GALNT17: variants seen among roughly 807,000 people sequenced by gnomAD.
The protein encoded by GALNT17 is UDP-GalNAc:polypeptide N-acetylgalactosaminyltransferase-like 3.
In GALNT17, 29 loss-of-function variants were observed where a neutral mutation model predicts 63.7. The observed-to-expected ratio is 0.46, with a 90% CI of 0.34 to 0.62. The LOEUF is 0.62. Among genes scored for constraint, GALNT17 ranks in the 20% least tolerant of loss-of-function variants. The pLI is 0.01. For missense variants in GALNT17, 603 were observed against 799.6 expected, an observed-to-expected ratio of 0.75 and a Z score of 2.97; for synonymous variants, 305 against 318.3, an observed-to-expected ratio of 0.96 and a Z score of 0.45.
At chr7:71,689,665 G>A (rs1791412212) in intron 9 of GALNT17, among the ~76,000 whole-genome samples, 1 of 152,232 alleles carries the variant, frequency 6.6e-6, no homozygotes, top group Admixed American at 6.5e-5. Flanking sequence ...TGGAGAAGCT[G>A]CAGCAAGTTC....
At chr7:71,500,766 T>C (rs550039071) in intron 5 of GALNT17, among the ~76,000 whole-genome samples, 35 of 152,256 alleles carry the variant, frequency 2.3e-4, no homozygotes, top group African/African-American at 7.9e-4. Flanking sequence ...AGATGGGCTC[T>C]GATCACCAAC....
chr7:71,523,180 C>A (rs1326122119), intron 5 of GALNT17, among the ~76,000 whole-genome samples: 1 of 152,192 alleles, frequency 6.6e-6, no homozygotes, highest in African/African-American at 2.4e-5. Flanking sequence ...AATCCCAACA[C>A]TTTGGGAGGC....
chr7:71,363,121 G>C (rs7803720), intron 2 of GALNT17, among the ~76,000 whole-genome samples: 94,475 of 151,702 alleles, frequency 0.62, 29,666 homozygotes, highest in East Asian at 0.85. Context: ...CACGCACCAC[G>C]ATGCCTGGCT....
intron 1 of GALNT17, among the ~76,000 whole-genome samples, chr7:71,290,393 C>T (rs530625827): frequency 5.9e-5 from 9 of 152,236 alleles, no homozygotes; most frequent in Admixed American, 2.6e-4. Context: ...CTCTGGATTG[C>T]GATGCCGTCT....
intron 1 of GALNT17, among the ~76,000 whole-genome samples, chr7:71,182,810 A>T (rs947790900): frequency 1.3e-5 from 2 of 152,142 alleles, no homozygotes; most frequent in Admixed American, 6.5e-5. Flanking sequence ...CTGCAAAATT[A>T]TGACTGCATG....
chr7:71,504,485 G>C (rs1309024417), intron 5 of GALNT17, among the ~76,000 whole-genome samples: 1 of 152,044 alleles, frequency 6.6e-6, no homozygotes, highest in Non-Finnish European at 1.5e-5. Context: ...CAAATTTGCT[G>C]TCTGCTATTT....
intron 6 of GALNT17, among the ~76,000 whole-genome samples, chr7:71,623,722 C>A (rs1190823575): frequency 2.0e-5 from 3 of 152,184 alleles, no homozygotes; most frequent in Non-Finnish European, 4.4e-5. Context: ...CGGCGTGAGC[C>A]ACCGTGCGTG....
chr7:71,330,824 G>A (rs540043751), intron 1 of GALNT17, among the ~76,000 whole-genome samples: 31 of 152,266 alleles, frequency 2.0e-4, no homozygotes, highest in Middle Eastern at 3.4e-3. Flanking sequence ...AAGTTTCGCC[G>A]GATGCAATTC....
intron 1 of GALNT17, among the ~76,000 whole-genome samples, chr7:71,176,931 A>G (rs1459359644): frequency 6.6e-6 from 1 of 152,190 alleles, no homozygotes; most frequent in Non-Finnish European, 1.5e-5. Flanking sequence ...TGCCTGCCCT[A>G]AAGAGCTTTG....
At chr7:71,137,099 G>A (rs1400738485) in intron 1 of GALNT17, among the ~76,000 whole-genome samples, 5 of 136,302 alleles carry the variant, frequency 3.7e-5, no homozygotes, top group South Asian at 2.6e-4. Flanking sequence ...GAGCCACAGC[G>A]CCTTGATAGG....
intron 5 of GALNT17, among the ~76,000 whole-genome samples, chr7:71,541,242 CAAAA>C (rs9297114): frequency 1.8e-4 from 26 of 145,738 alleles, no homozygotes; most frequent in Admixed American, 7.5e-4. Flanking sequence ...GACACTGTCT[CAAAA>C]AAAAAAAAAA....
intron 5 of GALNT17, among the ~76,000 whole-genome samples, chr7:71,427,791 A>C (rs1352922331): frequency 6.6e-6 from 1 of 151,946 alleles, no homozygotes; most frequent in Non-Finnish European, 1.5e-5. Context: ...CATCTCCCAC[A>C]TTCCCTCCTG....
intron 5 of GALNT17, among the ~76,000 whole-genome samples, chr7:71,518,862 C>A (rs1788483687): frequency 6.6e-6 from 1 of 152,096 alleles, no homozygotes; most frequent in Admixed American, 6.6e-5. Flanking sequence ...AGGGTTTAAT[C>A]AGTAAGAATT....
intron 1 of GALNT17, among the ~76,000 whole-genome samples, chr7:71,317,055 G>C (rs1791513618): frequency 6.6e-6 from 1 of 152,158 alleles, no homozygotes; most frequent in African/African-American, 2.4e-5. Context: ...TTGTTCACCT[G>C]CACACACCTG....
At chr7:71,622,056 A>C (rs1209906965) in intron 6 of GALNT17, among the ~76,000 whole-genome samples, 1 of 152,194 alleles carries the variant, frequency 6.6e-6, no homozygotes, top group Non-Finnish European at 1.5e-5. Flanking sequence ...GAGACTTTCC[A>C]ACTTTTGGTA....
intron 5 of GALNT17, among the ~76,000 whole-genome samples, chr7:71,455,771 C>T (rs1260817274): frequency 6.6e-6 from 1 of 152,134 alleles, no homozygotes; most frequent in Non-Finnish European, 1.5e-5. Context: ...GAGATGACTT[C>T]TTTGTGAGAG....
intron 5 of GALNT17, among the ~76,000 whole-genome samples, chr7:71,450,284 G>A (rs1440375128): frequency 1.3e-5 from 2 of 151,814 alleles, no homozygotes; most frequent in Non-Finnish European, 2.9e-5. Context: ...ACAGGCATGT[G>A]CCACAAGGTC....
At chr7:71,235,663 G>A (rs372410305) in intron 1 of GALNT17, among the ~76,000 whole-genome samples, 2 of 152,160 alleles carry the variant, frequency 1.3e-5, no homozygotes, top group Admixed American at 1.3e-4. Flanking sequence ...CCGCATTCAG[G>A]CTCCCAGTGA....
intron 1 of GALNT17, among the ~76,000 whole-genome samples, chr7:71,244,724 G>A (rs976309144): frequency 7.2e-5 from 11 of 152,106 alleles, no homozygotes; most frequent in African/African-American, 2.4e-4. Context: ...TGAGGTGGAA[G>A]GATCATTTAA....
Sources: gnomAD v4.1 joint callset for allele counts (sites outside exome capture counted in the v4.1 genomes callset) on GRCh38, gnomAD v4.1.1 for gene constraint, MANE v1.5 for transcripts, NCBI Gene and HGNC (gene_info 2026-07-23, HGNC 2026-07-21) for gene names.